ARID4B: variants seen among roughly 807,000 people sequenced by gnomAD.
The protein encoded by ARID4B is AT-rich interaction domain 4B.
Under a neutral mutation model 147.5 loss-of-function variants are expected in ARID4B, and 26 were observed. The observed-to-expected ratio is 0.18, with a 90% CI of 0.13 to 0.24. The LOEUF is 0.24. Ranked by LOEUF, ARID4B falls within the 10% of genes least tolerant of loss-of-function variation. The pLI is 1.00. For synonymous variants in ARID4B, 512 were observed against 507.9 expected (o/e 1.01, Z -0.11); for missense variants, 1,179 against 1,511.5 (o/e 0.78, Z 3.65).
In ARID4B at chr1:235,175,837, A is replaced by G. The variant is rs1663830900; in HGVS notation, c.3449-438T>C. ...TAATGATGCACAATCATCATATTCAATAAAGAACTCCTCGGGAATAAACTC... is the reference window on the plus strand; with the variant it reads ...TAATGATGCACAATCATCATATTCAGTAAAGAACTCCTCGGGAATAAACTC... On this transcript the variant is annotated intron_variant, in intron 21 of 23. Transcript: ENST00000264183. Among the ~76,000 whole-genome samples the G allele has an allele frequency of 2.6e-5, 4 of 152,234 alleles. No homozygotes were observed. The South Asian group carries it at 8.3e-4, about 31-fold the overall frequency.
intron 6 of ARID4B, 55 bp downstream of exon 6, chr1:235,252,675 T>A: frequency 6.5e-7 from 1 of 1,530,994 alleles, no homozygotes; most frequent in South Asian, 1.2e-5. Flanking sequence ...AGCAAAAATT[T>A]ATTCCTCCCA....
At chr1:235,189,090 CTA>C (rs1664892289) in intron 19 of ARID4B, among the ~76,000 whole-genome samples, 2 of 152,148 alleles carry the variant, frequency 1.3e-5, no homozygotes, top group South Asian at 4.2e-4. Context: ...AAAAATTAAA[CTA>C]GTTTAATTTA....
intron 2 of ARID4B, among the ~76,000 whole-genome samples, chr1:235,263,806 T>C (rs1263950830): frequency 6.6e-6 from 1 of 150,468 alleles, no homozygotes; most frequent in Non-Finnish European, 1.5e-5. Flanking sequence ...GCTAACACGG[T>C]GAAACCCCGT....
intron 8 of ARID4B, among the ~76,000 whole-genome samples, chr1:235,236,863 T>A (rs1668639705): frequency 1.1e-4 from 2 of 17,914 alleles, no homozygotes; most frequent in African/African-American, 4.7e-4. Context: ...TATATATATA[T>A]TTTTTTTTTT....
At chr1:235,311,598 AC>A (rs1314307416) in intron 2 of ARID4B, among the ~76,000 whole-genome samples, 1 of 151,818 alleles carries the variant, frequency 6.6e-6, no homozygotes, top group Non-Finnish European at 1.5e-5. Flanking sequence ...ACGTGGCAAA[AC>A]CCTGTCTCTA....
chr1:235,206,058 A>T (rs1471141976), intron 17 of ARID4B, among the ~76,000 whole-genome samples: 1 of 152,174 alleles, frequency 6.6e-6, no homozygotes, highest in Non-Finnish European at 1.5e-5. Flanking sequence ...GTATCACTTT[A>T]AAAAACCAGT....
chr1:235,307,187 T>C (rs1024180019), intron 2 of ARID4B, among the ~76,000 whole-genome samples: 5 of 152,228 alleles, frequency 3.3e-5, no homozygotes, highest in Admixed American at 2.0e-4. Flanking sequence ...CTGATGTCTG[T>C]AATCCCAGTG....
chr1:235,300,990 T>C (rs554434857), intron 2 of ARID4B, among the ~76,000 whole-genome samples: 1 of 151,480 alleles, frequency 6.6e-6, no homozygotes, highest in Non-Finnish European at 1.5e-5. Flanking sequence ...GCTGGGATTA[T>C]AGGCGTGAGC....
In ARID4B at chr1:235,292,547, C is replaced by G. The variant is rs149412542; in HGVS notation, c.7-31795G>C. ...AGGAGGAACGCTTGAACCCGGGAGG[C>G]AGAGGCTGCAGTGAGTTGAGATCAT... is the stretch of plus-strand genomic sequence containing the variant. On this transcript the variant is annotated intron_variant, in intron 2 of 23. Coordinates refer to ENST00000264183, the MANE Select transcript of ARID4B (RefSeq NM_016374.6). Among the ~76,000 whole-genome samples, 487 of 150,010 alleles carry G rather than the reference C, an allele frequency of 3.2e-3. 4 individuals are homozygous for G. Among genetic ancestry groups the G allele is most frequent in the African/African-American group, 0.011 (469 of 40,852 alleles).
chr1:235,264,081 G>C (rs1031181843), intron 2 of ARID4B, among the ~76,000 whole-genome samples: 1 of 152,080 alleles, frequency 6.6e-6, no homozygotes, highest in Non-Finnish European at 1.5e-5. Context: ...TAATTCGTTA[G>C]AAAGAGCACA....
At chr1:235,218,363 A>T (rs1240076054) in intron 16 of ARID4B, among the ~76,000 whole-genome samples, 1 of 152,206 alleles carries the variant, frequency 6.6e-6, no homozygotes, top group Non-Finnish European at 1.5e-5. Flanking sequence ...CAACTTAAAA[A>T]ATTAGCAAAG....
chr1:235,326,448 A>T (rs566629257), intron 2 of ARID4B, among the ~76,000 whole-genome samples: 1 of 152,328 alleles, frequency 6.6e-6, no homozygotes, highest in Admixed American at 6.5e-5. Context: ...AAAAAATCAC[A>T]AAAATTCTCT....
intron 2 of ARID4B, among the ~76,000 whole-genome samples, chr1:235,287,149 C>T (rs1672026990): frequency 1.3e-5 from 2 of 152,136 alleles, no homozygotes; most frequent in Admixed American, 1.3e-4. Context: ...GTCCCAGACA[C>T]TCAGGAGGCT....
At chr1:235,274,662 A>G (rs1419447624) in intron 2 of ARID4B, among the ~76,000 whole-genome samples, 1 of 152,216 alleles carries the variant, frequency 6.6e-6, no homozygotes, top group Non-Finnish European at 1.5e-5. Flanking sequence ...TAGGCCAAAG[A>G]GAATTTCGGA....
At chr1:235,223,507 A>C (rs1426565055) in intron 12 of ARID4B, among the ~76,000 whole-genome samples, 1 of 149,814 alleles carries the variant, frequency 6.7e-6, no homozygotes, top group South Asian at 2.1e-4. Context: ...AAAATTTTTT[A>C]AATTTTAAAA....
At chr1:235,170,481 G>A (rs1248175412) in intron 23 of ARID4B, among the ~76,000 whole-genome samples, 1 of 152,094 alleles carries the variant, frequency 6.6e-6, no homozygotes, top group Non-Finnish European at 1.5e-5. Flanking sequence ...GCTCACACCT[G>A]TAATCCCAGC....
At chr1:235,230,749 C>A (rs1312186566) in intron 10 of ARID4B, among the ~76,000 whole-genome samples, 1 of 151,738 alleles carries the variant, frequency 6.6e-6, no homozygotes. Context: ...CGGTGAAACC[C>A]CAGCTCTATT....
chr1:235,212,090 C>G (rs569941020), intron 17 of ARID4B, among the ~76,000 whole-genome samples: 1 of 151,914 alleles, frequency 6.6e-6, no homozygotes, highest in African/African-American at 2.4e-5. Context: ...ACTAAAAATA[C>G]GAAAATTAGC....
At chr1:235,316,487 C>T (rs11585812) in intron 2 of ARID4B, among the ~76,000 whole-genome samples, 19,948 of 148,166 alleles carry the variant, frequency 0.13, 1,522 homozygotes, top group African/African-American at 0.2. Context: ...CCAGCCTGGG[C>T]GACACAGCAA....
Sources: gnomAD v4.1 joint callset for allele counts (sites outside exome capture counted in the v4.1 genomes callset) on GRCh38, gnomAD v4.1.1 for gene constraint, MANE v1.5 for transcripts, NCBI Gene and HGNC (gene_info 2026-07-23, HGNC 2026-07-21) for gene names.